XXYLT1: variants seen among roughly 807,000 people sequenced by gnomAD.
XXYLT1 encodes xyloside xylosyltransferase 1, also known as UDP-xylose:alpha-xyloside alpha-1,3-xylosyltransferase.
Under a neutral mutation model 28.9 loss-of-function variants are expected in XXYLT1, and 20 were observed. That is an observed-to-expected ratio of 0.69 (90% CI 0.49 to 1.00). The LOEUF (loss-of-function observed/expected upper bound fraction) is 1.00. Among genes scored for constraint, XXYLT1 ranks in the 50% least tolerant of loss-of-function variants. The probability of loss-of-function intolerance (pLI) is 0.00; values close to 1 mark genes in which losing one functional copy is unlikely to be tolerated. For synonymous variants in XXYLT1, 257 were observed against 253.8 expected, an observed-to-expected ratio of 1.01 and a Z score of -0.12; for missense variants, 542 against 560.1, an observed-to-expected ratio of 0.97 and a Z score of 0.33.
intron 2 of XXYLT1, among the ~76,000 whole-genome samples, chr3:195,162,526 T>C (rs1431826125): frequency 6.6e-6 from 1 of 152,218 alleles, no homozygotes; most frequent in Non-Finnish European, 1.5e-5. Context: ...CTTCAGGCCT[T>C]ACTCGCCCCC....
chr3:195,255,395 T>G lies in XXYLT1; in HGVS notation c.504+15160A>C, dbSNP rs950276143. On this transcript the variant is annotated intron_variant, in intron 1 of 3. Coordinates refer to ENST00000310380, the MANE Select transcript of XXYLT1 (RefSeq NM_152531.5). The surrounding 1 kb of genome is among the most constrained non-coding windows in gnomAD (Gnocchi z 4.5). ...CAGTCGGGCTGGGGACTCAGCTCCA[T>G]CCAAGTGGGCTGAGCAGGGCCAGGC... Among the ~76,000 whole-genome samples, 2 of 152,180 alleles carry G rather than the reference T, an allele frequency of 1.3e-5. No individual in the cohort carries two copies. The highest frequency in any genetic ancestry group is 4.1e-4 in the South Asian group (2 of 4,826).
At chr3:195,235,574 T>G (rs908093303) in intron 1 of XXYLT1, among the ~76,000 whole-genome samples, 1 of 152,180 alleles carries the variant, frequency 6.6e-6, no homozygotes, top group African/African-American at 2.4e-5. Context: ...TTGATGCTAG[T>G]GGATGTTTGT....
chr3:195,262,475 A>G (rs1265926719), intron 1 of XXYLT1, among the ~76,000 whole-genome samples: 2 of 147,068 alleles, frequency 1.4e-5, no homozygotes, highest in Non-Finnish European at 3.0e-5. Flanking sequence ...TTTATGGTAC[A>G]TGAATTATAT....
chr3:195,148,514 AC>A (rs1291341793), intron 3 of XXYLT1, among the ~76,000 whole-genome samples: 7 of 152,296 alleles, frequency 4.6e-5, no homozygotes, highest in Middle Eastern at 3.4e-3. Context: ...GACGAAAAGA[AC>A]CCAATAGCTT....
intron 2 of XXYLT1, among the ~76,000 whole-genome samples, chr3:195,191,884 G>C (rs1469726938): frequency 6.6e-6 from 1 of 152,188 alleles, no homozygotes; most frequent in Non-Finnish European, 1.5e-5. Flanking sequence ...GAATTGAAAA[G>C]AGAAATAGAG....
intron 2 of XXYLT1, among the ~76,000 whole-genome samples, chr3:195,159,769 C>T (rs577022251): frequency 3.3e-5 from 5 of 152,264 alleles, no homozygotes; most frequent in East Asian, 1.9e-4. Context: ...CCGATGCTTC[C>T]GTACAATTAC....
In XXYLT1 at chr3:195,157,242, C is replaced by CAAAA. The variant is rs34312884; in HGVS notation, c.653-665_653-662dup. ...TGGGCAACAGAGCAAGGCGCCATCT[C>CAAAA]AAAAAAAAAAAAAAAAAAAAAAAAC... On this transcript the variant is annotated intron_variant, in intron 2 of 3. Transcript: ENST00000310380. 3.6e-3 allele frequency among the ~76,000 whole-genome samples: 268 copies of CAAAA among 73,810 alleles called. 6 individuals are homozygous for CAAAA. The highest frequency in any genetic ancestry group is 0.014 in the African/African-American group (252 of 17,782). 48.4% of individuals were successfully genotyped at this position (73,810 alleles called of 152,430 possible).
chr3:195,084,432 T>C (rs1265969011), intron 3 of XXYLT1, among the ~76,000 whole-genome samples: 2 of 152,064 alleles, frequency 1.3e-5, no homozygotes, highest in East Asian at 1.9e-4. Context: ...AAATGGAGCA[T>C]GGAAGCCACC....
At chr3:195,185,740 T>C (rs1483192413) in intron 2 of XXYLT1, among the ~76,000 whole-genome samples, 3 of 142,484 alleles carry the variant, frequency 2.1e-5, no homozygotes, top group African/African-American at 9.3e-5. Flanking sequence ...TTCACTTTCT[T>C]CCTTCCGGTC....
chr3:195,251,857 C>G (rs959436797), intron 1 of XXYLT1, among the ~76,000 whole-genome samples: 1 of 152,194 alleles, frequency 6.6e-6, no homozygotes, highest in African/African-American at 2.4e-5. Context: ...GATGCACACA[C>G]CCCAGGACCC....
At position 195,270,580 on chromosome 3, in the gene XXYLT1, G is replaced by C; in HGVS notation, c.479C>G (p.Pro160Arg). The change falls in exon 1 of 4, where the codon CCG becomes CGG. Residue 160 changes from proline to arginine, a missense_variant. Coordinates refer to ENST00000310380, the MANE Select transcript of XXYLT1 (RefSeq NM_152531.5). ...VAKGLLRELL[P>R]PAAGFKCKVI... ...CTTGCACTTGAAGCCAGCGGCGGGC[G>C]GCAGGAGCTCCCGCAGCAGGCCCTT... 1 of 1,384,252 alleles carries C rather than the reference G, an allele frequency of 7.2e-7. No homozygotes were observed. The highest frequency in any genetic ancestry group is 9.3e-7 in the Non-Finnish European group (1 of 1,071,468). The allele number at this position is 1,384,252 out of a possible 1,614,324, so 85.7% of individuals were successfully genotyped here.
chr3:195,268,971 G>T (rs1300646009), intron 1 of XXYLT1, among the ~76,000 whole-genome samples: 1 of 152,196 alleles, frequency 6.6e-6, no homozygotes, highest in Non-Finnish European at 1.5e-5. Context: ...GGAAAGAAGG[G>T]ACGCTTCCTT....
chr3:195,079,873 G>T (rs1715331043), intron 3 of XXYLT1, among the ~76,000 whole-genome samples: 1 of 152,210 alleles, frequency 6.6e-6, no homozygotes, highest in South Asian at 2.1e-4. Context: ...AATAAAGGGT[G>T]AGGGTGTGGG....
chr3:195,254,266 G>C (rs956080159), intron 1 of XXYLT1, among the ~76,000 whole-genome samples: 1 of 152,222 alleles, frequency 6.6e-6, no homozygotes, highest in Admixed American at 6.5e-5. Context: ...CCTGAAACTG[G>C]GGTCAGCAGC....
Position 195,180,553 on chromosome 3 carries a change from C to G in XXYLT1, c.653-23972G>C, listed in dbSNP as rs1721898387. Reference sequence around the variant, plus strand: ...CAAACAAACAGATAAGGGTCAGCATCTGAGGCCAGACCCTAAGGCCCTTCC... The same window carrying G: ...CAAACAAACAGATAAGGGTCAGCATGTGAGGCCAGACCCTAAGGCCCTTCC... On this transcript the variant is annotated intron_variant, in intron 2 of 3. Coordinates refer to ENST00000310380, the MANE Select transcript of XXYLT1 (RefSeq NM_152531.5). This position sits in a 1 kb window ranked among gnomAD's most constrained non-coding sequence, Gnocchi z 5.8. 1.0e-6 allele frequency: 1 copy of G among 985,422 alleles called. No individual in the cohort carries two copies. 61.0% of individuals were successfully genotyped at this position (985,422 alleles called of 1,614,324 possible).
chr3:195,270,189 T>A, intron 1 of XXYLT1: 1 of 510,492 alleles, frequency 2.0e-6, no homozygotes, highest in Non-Finnish European at 3.7e-6. Flanking sequence ...ACCAGTCCCA[T>A]CCTCAGAAGT....
chr3:195,112,509 CACA>C (rs771597987), intron 3 of XXYLT1, among the ~76,000 whole-genome samples: 3 of 34,030 alleles, frequency 8.8e-5, no homozygotes, highest in Non-Finnish European at 1.7e-4. Context: ...CACACCCACA[CACA>C]CCCACACACA....
Position 195,069,478 on chromosome 3 carries a change from C to T in XXYLT1, c.*237G>A. 3.6e-6 allele frequency: 2 copies of T among 554,818 alleles called. No homozygotes were observed. The highest frequency in any genetic ancestry group is 6.9e-5 in the Admixed American group (2 of 29,104). The allele number at this position is 554,818 out of a possible 1,614,324, so 34.4% of individuals were successfully genotyped here. A position where few individuals can be genotyped will look rare whatever the true frequency, so the allele number is the denominator to read the frequency against. On this transcript the variant is annotated 3_prime_UTR_variant, in exon 4 of 4. Transcript: ENST00000310380. ...TTCCCAGCCCACTGGACATGCGTGTCCTTTGTGTCGCCTGCTCCCTGGAGG... is the reference window on the plus strand; with the variant it reads ...TTCCCAGCCCACTGGACATGCGTGTTCTTTGTGTCGCCTGCTCCCTGGAGG...
intron 1 of XXYLT1, among the ~76,000 whole-genome samples, chr3:195,245,159 A>AT (rs533706205): frequency 0.037 from 4,875 of 132,344 alleles, 188 homozygotes; most frequent in African/African-American, 0.081. Flanking sequence ...GCCCAAGAAA[A>AT]TTTTTTTTTT....
Sources: allele counts gnomAD v4.1 joint callset (sites outside exome capture counted in the v4.1 genomes callset), GRCh38; gene constraint gnomAD v4.1.1; non-coding constraint Gnocchi (gnomAD v3.1); transcripts MANE v1.5; gene names NCBI Gene and HGNC (gene_info 2026-07-23, HGNC 2026-07-21).